The following ATRNL1 variants were observed in gnomAD, a reference collection of about 807,000 sequenced individuals.
ATRNL1 encodes the protein attractin like 1.
ATRNL1 carries 95 observed loss-of-function variants against 182.7 expected under a neutral mutation model. The observed-to-expected ratio is 0.52, with a 90% CI of 0.44 to 0.62. ATRNL1 has a LOEUF of 0.62. Among genes scored for constraint, ATRNL1 ranks in the 20% least tolerant of loss-of-function variants. The probability of loss-of-function intolerance (pLI) is 0.00; values close to 1 mark genes in which losing one functional copy is unlikely to be tolerated. For missense variants in ATRNL1, 1,471 were observed against 1,679.5 expected (o/e 0.88, Z 2.17); for synonymous variants, 576 against 568.3 (o/e 1.01, Z -0.19).
At chr10:115,318,260 G>A (rs1217422100) in intron 18 of ATRNL1, among the ~76,000 whole-genome samples, 2 of 152,142 alleles carry the variant, frequency 1.3e-5, no homozygotes, top group Non-Finnish European at 2.9e-5. Context: ...TGGTGGATAA[G>A]TATTTTGATG....
At chr10:115,509,829 A>G (rs1345423875) in intron 24 of ATRNL1, among the ~76,000 whole-genome samples, 2 of 152,020 alleles carry the variant, frequency 1.3e-5, no homozygotes, top group African/African-American at 4.8e-5. Flanking sequence ...TATAGCTGAC[A>G]TAGGTGATGA....
chr10:115,429,207 GT>G (rs1181356102), intron 21 of ATRNL1, among the ~76,000 whole-genome samples: 1 of 151,732 alleles, frequency 6.6e-6, no homozygotes, highest in East Asian at 1.9e-4. Context: ...TCAAAATTTT[GT>G]TTTCTACTCT....
At chr10:115,686,492 T>C (rs1214557013) in intron 26 of ATRNL1, among the ~76,000 whole-genome samples, 1 of 152,034 alleles carries the variant, frequency 6.6e-6, no homozygotes, top group Non-Finnish European at 1.5e-5. Context: ...TCTGCATTTT[T>C]AGAACACTAA....
chr10:115,200,041 A>AT (rs1428984393), intron 8 of ATRNL1, among the ~76,000 whole-genome samples: 2 of 152,026 alleles, frequency 1.3e-5, no homozygotes, highest in African/African-American at 4.8e-5. Flanking sequence ...ACCAGAGTAT[A>AT]TTTTTCTATG....
chr10:115,208,310 G>A (rs1448403984), intron 8 of ATRNL1, among the ~76,000 whole-genome samples: 2 of 151,090 alleles, frequency 1.3e-5, no homozygotes, highest in Admixed American at 1.3e-4. Context: ...TTTATTTCTG[G>A]GTCTCTTTCT....
At position 115,425,687 on chromosome 10, in the gene ATRNL1, T is replaced by G. The variant is rs1485348358; in HGVS notation, c.3270-563T>G. On this transcript the variant is annotated intron_variant, in intron 20 of 28. Coordinates refer to ENST00000355044, the MANE Select transcript of ATRNL1 (RefSeq NM_207303.4). ...TTTGAGCTCCTGAATTTAATCTATA[T>G]TAGTCAATTTTGTTTGGGTTAGAGA... Among the ~76,000 whole-genome samples, 8 of 152,226 alleles carry G rather than the reference T, an allele frequency of 5.3e-5. No homozygotes were observed. The South Asian group carries it at 1.7e-3, about 31-fold the overall frequency.
At chr10:115,329,457 T>G (rs1554934388) in intron 18 of ATRNL1, among the ~76,000 whole-genome samples, 1 of 152,166 alleles carries the variant, frequency 6.6e-6, no homozygotes, top group East Asian at 1.9e-4. Context: ...CTTGATGATC[T>G]GTCGATTGCT....
intron 25 of ATRNL1, among the ~76,000 whole-genome samples, chr10:115,538,297 A>G (rs552489030): frequency 2.0e-5 from 3 of 152,294 alleles, no homozygotes; most frequent in African/African-American, 7.2e-5. Context: ...TGACTGTACA[A>G]TTCTGTGCTG....
intron 27 of ATRNL1, among the ~76,000 whole-genome samples, chr10:115,730,932 G>T (rs1947779020): frequency 6.6e-6 from 1 of 152,180 alleles, no homozygotes; most frequent in South Asian, 2.1e-4. Context: ...TTGGAGTCCA[G>T]TGTTCGAGGG....
chr10:115,101,972 G>A (rs1843788322), intron 1 of ATRNL1, among the ~76,000 whole-genome samples: 1 of 152,160 alleles, frequency 6.6e-6, no homozygotes, highest in Non-Finnish European at 1.5e-5. Context: ...TGAAAATAAT[G>A]TGTATTCTTC....
rs560405309 is a variant in ATRNL1, at chr10:115,585,743, G to A, written c.3795+36207G>A. ...CTGTGTCTTTTAATTGGAGGATTTA[G>A]TCCATTTACGTTTAAAGTTAATATT... On this transcript the variant is annotated intron_variant, in intron 26 of 28. Coordinates refer to ENST00000355044, the MANE Select transcript of ATRNL1 (RefSeq NM_207303.4). 2.6e-3 allele frequency among the ~76,000 whole-genome samples: 101 copies of A among 38,688 alleles called. 34 individuals are homozygous for A. Among genetic ancestry groups the A allele is most frequent in the African/African-American group, 9.4e-3 (99 of 10,498 alleles). 25.4% of individuals were successfully genotyped at this position (38,688 alleles called of 152,430 possible). A position where few individuals can be genotyped will look rare whatever the true frequency, so the allele number is the denominator to read the frequency against.
At chr10:115,130,764 A>G (rs1554874963) in intron 5 of ATRNL1, among the ~76,000 whole-genome samples, 1 of 152,038 alleles carries the variant, frequency 6.6e-6, no homozygotes, top group Non-Finnish European at 1.5e-5. Flanking sequence ...TTCTATAGAG[A>G]CAGTGGTGTA....
At chr10:115,583,879 C>G (rs868970366) in intron 26 of ATRNL1, among the ~76,000 whole-genome samples, 8 of 151,154 alleles carry the variant, frequency 5.3e-5, no homozygotes, top group African/African-American at 1.9e-4. Flanking sequence ...ATGATATTGG[C>G]TGTGGGTTTG....
intron 28 of ATRNL1, among the ~76,000 whole-genome samples, chr10:115,858,735 A>G (rs960396522): frequency 1.3e-5 from 2 of 151,042 alleles, no homozygotes; most frequent in East Asian, 3.9e-4. Context: ...GAGGTCCTCC[A>G]TTTTTTTTTA....
At chr10:115,724,436 C>T (rs891215377) in intron 26 of ATRNL1, among the ~76,000 whole-genome samples, 1 of 152,244 alleles carries the variant, frequency 6.6e-6, no homozygotes, top group Non-Finnish European at 1.5e-5. Context: ...TGAAATTTAA[C>T]ATTATAATTG....
At position 115,881,389 on chromosome 10, in the gene ATRNL1, C is replaced by T. The variant is rs536222521; in HGVS notation, c.4018+33398C>T. 5.9e-5 allele frequency among the ~76,000 whole-genome samples: 9 copies of T among 152,260 alleles called. No homozygotes were observed. In the East Asian group the frequency reaches 1.7e-3, roughly 29 times the overall value. ...ACAGCCATTTGCAGTTTGCAGCGCCCCTATGGATTGCTTCTGTTTCTGCCG... is the reference window on the plus strand; with the variant it reads ...ACAGCCATTTGCAGTTTGCAGCGCCTCTATGGATTGCTTCTGTTTCTGCCG... On this transcript the variant is annotated intron_variant, in intron 28 of 28. Transcript: ENST00000355044.
At chr10:115,362,320 T>C (rs1239871901) in intron 19 of ATRNL1, among the ~76,000 whole-genome samples, 3 of 152,068 alleles carry the variant, frequency 2.0e-5, no homozygotes, top group Admixed American at 6.6e-5. Context: ...AAAAATAGAA[T>C]GAAAATTTAT....
At chr10:115,392,915 T>C (rs643922) in intron 19 of ATRNL1, among the ~76,000 whole-genome samples, 59,001 of 151,984 alleles carry the variant, frequency 0.39, 12,602 homozygotes, top group African/African-American at 0.57. Flanking sequence ...AGTACAAATA[T>C]TTCCTAAAAG....
chr10:115,487,927 A>G (rs1183061048), intron 24 of ATRNL1, among the ~76,000 whole-genome samples: 1 of 152,214 alleles, frequency 6.6e-6, no homozygotes, highest in Admixed American at 6.5e-5. Context: ...GAGAGTTTTT[A>G]GTATGAAAGG....
Sources: gnomAD v4.1 joint callset for allele counts (sites outside exome capture counted in the v4.1 genomes callset) on GRCh38, gnomAD v4.1.1 for gene constraint, MANE v1.5 for transcripts, NCBI Gene and HGNC (gene_info 2026-07-23, HGNC 2026-07-21) for gene names.